The following MORN3 variants were observed in gnomAD, a reference collection of about 807,000 sequenced individuals.
MORN3 encodes the protein MORN repeat-containing protein 3.
MORN3 carries 38 observed loss-of-function variants against 34.7 expected under a neutral mutation model. The observed-to-expected ratio is 1.10, with a 90% CI of 0.85 to 1.44. The LOEUF (loss-of-function observed/expected upper bound fraction) is 1.44. MORN3 is among the 40% of genes most tolerant of loss of function. The pLI is 0.00. For synonymous variants in MORN3, 109 were observed against 115.3 expected (o/e 0.95, Z 0.35); for missense variants, 311 against 321.7 (o/e 0.97, Z 0.25).
intron 2 of MORN3, among the ~76,000 whole-genome samples, chr12:121,655,138 A>C (rs1893379246): frequency 6.6e-6 from 1 of 151,546 alleles, no homozygotes; most frequent in Non-Finnish European, 1.5e-5. Context: ...ACTTGAGGTC[A>C]GGAGTTTGAG....
chr12:121,671,804 C>A (rs1246542348), upstream of MORN3, among the ~76,000 whole-genome samples: 1 of 151,510 alleles, frequency 6.6e-6, no homozygotes, highest in African/African-American at 2.4e-5. Flanking sequence ...CGCTTGAAAC[C>A]GGAAAGCGGA....
chr12:121,665,654 A>C (rs1030976668), intron 1 of MORN3, among the ~76,000 whole-genome samples: 4 of 149,030 alleles, frequency 2.7e-5, no homozygotes, highest in African/African-American at 9.9e-5. Context: ...AATCCCAGCT[A>C]CTCAGGAGGC....
At chr12:121,667,526 A>C (rs919942720) in intron 1 of MORN3, among the ~76,000 whole-genome samples, 1 of 151,940 alleles carries the variant, frequency 6.6e-6, no homozygotes, top group Non-Finnish European at 1.5e-5. Context: ...AAGTGCTGGG[A>C]TTACAGGTGT....
intron 1 of MORN3, among the ~76,000 whole-genome samples, chr12:121,668,295 C>T (rs993495469): frequency 6.6e-5 from 10 of 151,796 alleles, no homozygotes; most frequent in Admixed American, 3.9e-4. Context: ...GTAATCCCAG[C>T]ACTTTGGGAG....
chr12:121,653,771 G>A (rs536607564), intron 3 of MORN3, among the ~76,000 whole-genome samples: 1 of 152,100 alleles, frequency 6.6e-6, no homozygotes, highest in African/African-American at 2.4e-5. Context: ...CTCCCAAAGT[G>A]CTGGGATTAC....
At chr12:121,661,602 C>T (rs1463233275) in intron 1 of MORN3, among the ~76,000 whole-genome samples, 6 of 151,932 alleles carry the variant, frequency 3.9e-5, no homozygotes, top group African/African-American at 7.3e-5. Context: ...GGGGGCTGGG[C>T]GCAGTGGCTC....
intron 2 of MORN3, among the ~76,000 whole-genome samples, chr12:121,656,609 G>A (rs1893424741): frequency 6.6e-6 from 1 of 152,014 alleles, no homozygotes; most frequent in Non-Finnish European, 1.5e-5. Context: ...CTGCCTCCTG[G>A]CTTCAAGCGA....
chr12:121,649,886 A>G lies in MORN3; in HGVS notation c.*1765T>C, dbSNP rs1227733805. The G allele has an allele frequency of 7.5e-6, 1 of 133,260 alleles. No homozygotes were observed. 8.3% of individuals were successfully genotyped at this position (133,260 alleles called of 1,614,324 possible). Reference sequence around the variant, plus strand: ...TCTTTTTTTTTTTTTTTTTTGTAGCATGGTGATATTGCACTATGCTTAACC... The same window carrying G: ...TCTTTTTTTTTTTTTTTTTTGTAGCGTGGTGATATTGCACTATGCTTAACC... On this transcript the variant is annotated 3_prime_UTR_variant, in exon 6 of 6. Transcript: ENST00000355329.
At chr12:121,659,135 G>GCACACA in intron 2 of MORN3, 56 bp downstream of exon 2, 10 of 1,283,232 alleles carry the variant, frequency 7.8e-6, no homozygotes, top group Non-Finnish European at 1.1e-5. Context: ...ACACACACGC[G>GCACACA]CGCACACACA....
In MORN3 at chr12:121,669,336, C is replaced by A; in HGVS notation, c.145+3G>T. 1.2e-6 allele frequency: 2 copies of A among 1,613,214 alleles called. No homozygotes were observed. The highest frequency in any genetic ancestry group is 1.7e-6 in the Non-Finnish European group (2 of 1,179,448). ...CGGCCGCCCGTCCCGGAGTCCCACT[C>A]ACCGTGTTTCACGTTGTCCTTCCAC... is the stretch of plus-strand genomic sequence containing the variant. On this transcript the variant is annotated splice_donor_region_variant and intron_variant, in intron 1 of 5. Coordinates refer to ENST00000355329, the MANE Select transcript of MORN3 (RefSeq NM_173855.5).
At chr12:121,652,603 G>A (rs1893284259) in intron 5 of MORN3, 125 bp downstream of exon 5, 8 of 787,110 alleles carry the variant, frequency 1.0e-5, no homozygotes, top group Middle Eastern at 4.7e-4. Context: ...GCCTGCCCTC[G>A]ATGGTCTTGC....
intron 1 of MORN3, among the ~76,000 whole-genome samples, chr12:121,664,519 G>A (rs1016405662): frequency 9.9e-5 from 15 of 152,196 alleles, no homozygotes; most frequent in African/African-American, 3.6e-4. Flanking sequence ...AGCACTTTGG[G>A]AGGCCAAGGC....
intron 1 of MORN3, among the ~76,000 whole-genome samples, chr12:121,659,646 T>G (rs557426134): frequency 6.6e-6 from 1 of 151,742 alleles, no homozygotes; most frequent in South Asian, 2.1e-4. Flanking sequence ...GAGATACTCC[T>G]GCCTCAGCCT....
In MORN3 at chr12:121,653,255, G is replaced by A. The variant is rs144066230; in HGVS notation, c.468C>T (p.Asn156=). 7.7e-5 allele frequency: 124 copies of A among 1,613,418 alleles called. No individual in the cohort carries two copies. The highest frequency in any genetic ancestry group is 3.2e-4 in the South Asian group (29 of 91,000). ...CCCAGCAGCCCTCGTAGCGGTTCCCGTTCTCTGGGGGAAAGGACAGGGAGG... is the reference window on the plus strand; with the variant it reads ...CCCAGCAGCCCTCGTAGCGGTTCCCATTCTCTGGGGGAAAGGACAGGGAGG... ...PNGEGMLRLK[N]GNRYEGCWER... is the part of the protein sequence containing the mutation. The change falls in exon 4 of 6, where the codon AAC becomes AAT. Residue 156 remains asparagine, a synonymous_variant. Transcript: ENST00000355329.
At position 121,652,792 on chromosome 12, in the gene MORN3, G is replaced by A; in HGVS notation, c.665C>T (p.Pro222Leu). ...CAAGGCCTCCGCCAGCACACCATCAGGGTCTAGGATTTTGACCTGGAGGGA... is the reference window on the plus strand; with the variant it reads ...CAAGGCCTCCGCCAGCACACCATCAAGGTCTAGGATTTTGACCTGGAGGGA... The part of the protein sequence containing the change: ...FPIPEVKILD[P>L]DGVLAEALAM... The change falls in exon 5 of 6, where the codon CCT (proline) becomes CTT (leucine). Residue 222 changes from proline to leucine, a missense_variant. Transcript: ENST00000355329. The A allele has an allele frequency of 6.2e-7, 1 of 1,614,234 alleles. No homozygotes were observed. The highest frequency in any genetic ancestry group is 8.5e-7 in the Non-Finnish European group (1 of 1,180,038).
intron 1 of MORN3, among the ~76,000 whole-genome samples, chr12:121,668,103 C>A (rs899772803): frequency 2.6e-5 from 4 of 151,708 alleles, no homozygotes; most frequent in Admixed American, 1.3e-4. Context: ...CTCCTGACCT[C>A]AGGTGATCTG....
chr12:121,671,860 A>T (rs1320596658), upstream of MORN3, among the ~76,000 whole-genome samples: 2 of 149,328 alleles, frequency 1.3e-5, no homozygotes, highest in African/African-American at 2.5e-5. Flanking sequence ...AGCCTGGGCA[A>T]AAAGAGTGAA....
At chr12:121,670,979 C>T (rs1333022550), upstream of MORN3, among the ~76,000 whole-genome samples, 9 of 140,874 alleles carry the variant, frequency 6.4e-5, no homozygotes, top group East Asian at 8.4e-4. Flanking sequence ...GGTGTGGTGG[C>T]GGGCGCCTGT....
intron 3 of MORN3, 53 bp downstream of exon 3, chr12:121,654,221 C>T (rs1311383235): frequency 6.1e-5 from 82 of 1,354,200 alleles, no homozygotes; most frequent in Admixed American, 2.5e-4. Flanking sequence ...GTGGCCAGCT[C>T]GCTGCCGGGG....
Sources: gnomAD v4.1 joint callset for allele counts (sites outside exome capture counted in the v4.1 genomes callset) on GRCh38, gnomAD v4.1.1 for gene constraint, MANE v1.5 for transcripts, NCBI Gene and HGNC (gene_info 2026-07-23, HGNC 2026-07-21) for gene names.